CPNE4: variants seen among roughly 807,000 people sequenced by gnomAD.
CPNE4 encodes copine 4.
In CPNE4, 25 loss-of-function variants were observed where a neutral mutation model predicts 67.9. That is an observed-to-expected ratio of 0.37 (90% confidence interval 0.27 to 0.51). The LOEUF is 0.51. CPNE4 is among the 20% of genes least tolerant of loss of function. The pLI is 0.93. For synonymous variants in CPNE4, 242 were observed against 244.9 expected, an observed-to-expected ratio of 0.99 and a Z score of 0.11; for missense variants, 464 against 690.8, an observed-to-expected ratio of 0.67 and a Z score of 3.68.
At chr3:131,645,039 C>G (rs1582948032) in intron 7 of CPNE4, among the ~76,000 whole-genome samples, 1 of 152,158 alleles carries the variant, frequency 6.6e-6, no homozygotes, top group East Asian at 1.9e-4. Context: ...AGGTTCCAAA[C>G]CATTGTTGCC....
intron 1 of CPNE4, among the ~76,000 whole-genome samples, chr3:131,909,863 A>G (rs1198186589): frequency 6.6e-6 from 1 of 152,162 alleles, no homozygotes; most frequent in East Asian, 1.9e-4. Flanking sequence ...AGTAATTTAT[A>G]AAAGAATAAA....
chr3:131,546,343 A>G (rs1331691219), intron 14 of CPNE4, among the ~76,000 whole-genome samples: 2 of 152,198 alleles, frequency 1.3e-5, no homozygotes, highest in Non-Finnish European at 2.9e-5. Context: ...TGGATGAAAT[A>G]TTATAGTCTT....
At chr3:131,842,742 A>G (rs1375202477) in intron 2 of CPNE4, among the ~76,000 whole-genome samples, 1 of 150,122 alleles carries the variant, frequency 6.7e-6, no homozygotes, top group Non-Finnish European at 1.5e-5. Flanking sequence ...AAAAAAAAAA[A>G]AAAAAAAGAA....
chr3:131,728,614 G>T (rs1043450496), intron 2 of CPNE4, among the ~76,000 whole-genome samples: 2 of 152,074 alleles, frequency 1.3e-5, no homozygotes, highest in African/African-American at 4.8e-5. Flanking sequence ...ACTGCCCATA[G>T]AAATTGGATT....
At chr3:131,762,781 A>G (rs1398766) in intron 2 of CPNE4, among the ~76,000 whole-genome samples, 41,110 of 151,944 alleles carry the variant, frequency 0.27, 6,792 homozygotes, top group Admixed American at 0.36. Flanking sequence ...TACAGATATC[A>G]TCATTATTTT....
At chr3:131,976,952 C>T (rs1299149053) in intron 1 of CPNE4, among the ~76,000 whole-genome samples, 1 of 152,034 alleles carries the variant, frequency 6.6e-6, no homozygotes, top group Admixed American at 6.5e-5. Flanking sequence ...CAGGCACACA[C>T]CACCATGTCC....
intron 2 of CPNE4, among the ~76,000 whole-genome samples, chr3:131,801,095 A>G (rs1298556945): frequency 6.6e-6 from 1 of 152,066 alleles, no homozygotes; most frequent in Non-Finnish European, 1.5e-5. Flanking sequence ...ATTGTGGTAC[A>G]TAAATATATA....
intron 2 of CPNE4, among the ~76,000 whole-genome samples, chr3:131,729,421 A>G (rs2082076875): frequency 6.6e-6 from 1 of 152,234 alleles, no homozygotes; most frequent in African/African-American, 2.4e-5. Context: ...CAAAAGTTAG[A>G]TAATAAAATG....
intron 7 of CPNE4, among the ~76,000 whole-genome samples, chr3:131,628,176 A>G (rs1344167243): frequency 1.3e-5 from 2 of 152,228 alleles, no homozygotes; most frequent in Admixed American, 1.3e-4. Context: ...CACCCTGATC[A>G]GTCAGCAGCC....
At chr3:131,939,724 A>C (rs1036069142) in intron 1 of CPNE4, among the ~76,000 whole-genome samples, 23 of 152,276 alleles carry the variant, frequency 1.5e-4, no homozygotes, top group South Asian at 1.0e-3. Flanking sequence ...TGTCAGGCAC[A>C]GTTCTAAACA....
chr3:131,824,455 CATG>C (rs2085079880), intron 2 of CPNE4, among the ~76,000 whole-genome samples: 1 of 152,114 alleles, frequency 6.6e-6, no homozygotes, highest in African/African-American at 2.4e-5. Context: ...GAAAATACAA[CATG>C]ATGAAAATAC....
intron 2 of CPNE4, among the ~76,000 whole-genome samples, chr3:131,738,903 A>G (rs1026219621): frequency 1.0e-4 from 14 of 140,250 alleles, no homozygotes; most frequent in Admixed American, 2.3e-4. Context: ...CGCCCAGGCT[A>G]GAGTGCAGTG....
chr3:131,542,594 T>G lies in CPNE4; in HGVS notation c.1502A>C (p.Asp501Ala). Residue 501 changes from aspartate (D) to alanine (A), a missense_variant, in exon 15 of 16, where the codon GAC becomes GCC. This residue lies in a region of CPNE4 where 201 missense variants were observed against 357.7 expected (regional missense o/e 0.56). Coordinates refer to ENST00000429747, the MANE Select transcript of CPNE4 (RefSeq NM_130808.3). ...RSPKGEPVLR[D>A]IVQFVPFRNF... ...CCTGAAGGGCACGAACTGGACGATG[T>G]CTCGAAGAACAGGCTCTCCCTTGGG... 6.2e-7 allele frequency: 1 copy of G among 1,614,066 alleles called. No individual in the cohort carries two copies. The highest frequency in any genetic ancestry group is 8.5e-7 in the Non-Finnish European group (1 of 1,179,952).
At chr3:131,873,860 T>C (rs578157467) in intron 2 of CPNE4, among the ~76,000 whole-genome samples, 2 of 152,234 alleles carry the variant, frequency 1.3e-5, no homozygotes, top group East Asian at 3.9e-4. Flanking sequence ...ACCTGTCCTC[T>C]TGTCTCCTTT....
At chr3:131,903,167 G>A (rs779852844) in intron 2 of CPNE4, among the ~76,000 whole-genome samples, 3 of 152,102 alleles carry the variant, frequency 2.0e-5, no homozygotes, top group East Asian at 1.9e-4. Context: ...GACACCTTCC[G>A]GCTGCTTATA....
chr3:132,029,302 C>A (rs1290942895), intron 1 of CPNE4, among the ~76,000 whole-genome samples: 1 of 152,162 alleles, frequency 6.6e-6, no homozygotes, highest in East Asian at 1.9e-4. Context: ...ATGCTCAGGG[C>A]AAAACCTTTT....
chr3:131,886,125 G>A (rs1270537960), intron 2 of CPNE4, among the ~76,000 whole-genome samples: 1 of 152,230 alleles, frequency 6.6e-6, no homozygotes. Context: ...GGAGGAAGAA[G>A]TGGTTTCATG....
chr3:132,028,094 G>C (rs895769201), intron 1 of CPNE4, among the ~76,000 whole-genome samples: 5 of 152,162 alleles, frequency 3.3e-5, no homozygotes, highest in Non-Finnish European at 5.9e-5. Context: ...AGGGCATGGT[G>C]CAAGTTGATT....
chr3:131,799,913 T>C (rs1053675321), intron 2 of CPNE4, among the ~76,000 whole-genome samples: 1 of 63,982 alleles, frequency 1.6e-5, no homozygotes, highest in Non-Finnish European at 3.0e-5. Context: ...CGTGTGTGTG[T>C]GTGTGTTGTG....
Sources: gnomAD v4.1 joint callset for allele counts (sites outside exome capture counted in the v4.1 genomes callset) on GRCh38, gnomAD v4.1.1 for gene constraint, gnomAD v4.1.1 regional missense constraint, MANE v1.5 for transcripts, NCBI Gene and HGNC (gene_info 2026-07-23, HGNC 2026-07-21) for gene names.